MAPK10: variants seen among roughly 807,000 people sequenced by gnomAD.
MAPK10 encodes the protein JNK3 alpha protein kinase.
MAPK10 carries 25 observed loss-of-function variants against 59.3 expected under a neutral mutation model. The ratio of observed to expected loss-of-function variants is 0.42; its 90% CI spans 0.31 to 0.59. MAPK10 has a LOEUF of 0.59. MAPK10 is among the 20% of genes least tolerant of loss of function. MAPK10 has a pLI of 0.15. For missense variants in MAPK10, 351 were observed against 568.9 expected, an observed-to-expected ratio of 0.62 and a Z score of 3.90; for synonymous variants, 190 against 200.5, an observed-to-expected ratio of 0.95 and a Z score of 0.44.
Position 86,043,634 on chromosome 4 carries a change from T to C in MAPK10, c.1111-12203A>G, listed in dbSNP as rs114082201. Among the ~76,000 whole-genome samples, 1,364 of 152,202 alleles carry C rather than the reference T, an allele frequency of 9.0e-3. 20 individuals carry two copies. The highest frequency in any genetic ancestry group is 0.031 in the African/African-American group (1,301 of 41,538). On this transcript the variant is annotated intron_variant, in intron 11 of 13. Coordinates refer to ENST00000641462, the MANE Select transcript of MAPK10 (RefSeq NM_138982.4). Reference sequence around the variant, plus strand: ...GAACATGTTTATTTGTAAGAAGTAATTGCCACTGGAAACTGAAACATAGGA... The same window carrying C: ...GAACATGTTTATTTGTAAGAAGTAACTGCCACTGGAAACTGAAACATAGGA...
intron 1 of MAPK10, among the ~76,000 whole-genome samples, chr4:86,394,947 G>A (rs1179332538): frequency 4.6e-5 from 7 of 152,076 alleles, no homozygotes; most frequent in Admixed American, 1.3e-4. Flanking sequence ...ATATATTCAC[G>A]CACCTGTGCC....
intron 2 of MAPK10, among the ~76,000 whole-genome samples, chr4:86,337,895 T>C (rs145990246): frequency 5.7e-4 from 87 of 152,356 alleles, no homozygotes; most frequent in African/African-American, 2.1e-3. Flanking sequence ...TATACATTTG[T>C]CATTTTTCAG....
chr4:86,164,219 T>C (rs1467962062), intron 3 of MAPK10, among the ~76,000 whole-genome samples: 1 of 152,176 alleles, frequency 6.6e-6, no homozygotes, highest in Non-Finnish European at 1.5e-5. Flanking sequence ...TTATTTATAT[T>C]CTGTATGGTT....
At chr4:86,501,114 G>GAAA (rs11341561) in intron 1 of MAPK10, among the ~76,000 whole-genome samples, 1 of 87,862 alleles carries the variant, frequency 1.1e-5, no homozygotes, top group African/African-American at 4.8e-5. Flanking sequence ...TCTACGATCT[G>GAAA]AAAAAAAAAA....
At chr4:86,089,081 C>T (rs570223565) in intron 9 of MAPK10, 28 of 668,870 alleles carry the variant, frequency 4.2e-5, no homozygotes, top group Admixed American at 1.2e-4. Flanking sequence ...AAATATTTGA[C>T]ATTGAGTCTC....
intron 2 of MAPK10, among the ~76,000 whole-genome samples, chr4:86,197,057 C>G (rs561860920): frequency 6.6e-6 from 1 of 152,064 alleles, no homozygotes; most frequent in East Asian, 1.9e-4. Context: ...TTTTTTGGTT[C>G]CATATGAAAT....
At chr4:86,276,694 G>A (rs2094587836) in intron 2 of MAPK10, among the ~76,000 whole-genome samples, 1 of 152,130 alleles carries the variant, frequency 6.6e-6, no homozygotes, top group African/African-American at 2.4e-5. Flanking sequence ...GGTTTTTACT[G>A]ATTGAAGCAC....
chr4:86,322,906 G>A (rs960810845), intron 2 of MAPK10, among the ~76,000 whole-genome samples: 7 of 152,240 alleles, frequency 4.6e-5, no homozygotes, highest in African/African-American at 1.4e-4. Context: ...AGCATTGCGA[G>A]CTTCACGCCT....
chr4:86,390,399 G>A (rs1645762608), intron 1 of MAPK10, among the ~76,000 whole-genome samples: 1 of 152,208 alleles, frequency 6.6e-6, no homozygotes, highest in Non-Finnish European at 1.5e-5. Context: ...ACCTTAGAAT[G>A]TAGAGAAAGA....
intron 1 of MAPK10, among the ~76,000 whole-genome samples, chr4:86,452,816 G>A (rs536092570): frequency 4.6e-5 from 7 of 152,224 alleles, no homozygotes; most frequent in East Asian, 1.9e-4. Context: ...GGCTTGCATC[G>A]TGAACTTTTG....
Position 86,395,991 on chromosome 4 carries a change from A to G in MAPK10, c.-121-41347T>C, listed in dbSNP as rs560973457. Among the ~76,000 whole-genome samples, 182 of 152,304 alleles carry G rather than the reference A, an allele frequency of 1.2e-3. 1 individual carries two copies. Among genetic ancestry groups the G allele is most frequent in the African/African-American group, 4.3e-3 (179 of 41,562 alleles). On this transcript the variant is annotated intron_variant, in intron 1 of 13. Coordinates refer to the MAPK10 transcript ENST00000361569. ...AAGCATTCGGTTTGTACCACATAAA[A>G]CACACCATTCTCGCCATTCTATCTG...
At chr4:86,134,735 A>G (rs1345471357) in intron 4 of MAPK10, among the ~76,000 whole-genome samples, 2 of 152,236 alleles carry the variant, frequency 1.3e-5, no homozygotes, top group East Asian at 3.8e-4. Context: ...CGTGAGCGAC[A>G]CAGAAGACAG....
At chr4:86,592,193 A>G (rs1763090439) in intron 1 of MAPK10, among the ~76,000 whole-genome samples, 1 of 152,098 alleles carries the variant, frequency 6.6e-6, no homozygotes, top group South Asian at 2.1e-4. Flanking sequence ...TCCATTTGTT[A>G]GTATTGACTT....
intron 2 of MAPK10, among the ~76,000 whole-genome samples, chr4:86,331,116 C>T (rs183116520): frequency 2.5e-3 from 374 of 152,200 alleles, no homozygotes; most frequent in Non-Finnish European, 3.9e-3. Context: ...GTCATAACTA[C>T]CCATCTTTAT....
intron 2 of MAPK10, among the ~76,000 whole-genome samples, chr4:86,201,395 C>A (rs551296747): frequency 1.1e-4 from 17 of 151,798 alleles, no homozygotes; most frequent in Non-Finnish European, 2.2e-4. Flanking sequence ...AAATTTTAAT[C>A]ATTTTAGGGA....
At chr4:86,049,132 T>C (rs565274503) in intron 11 of MAPK10, among the ~76,000 whole-genome samples, 58 of 152,150 alleles carry the variant, frequency 3.8e-4, no homozygotes, top group African/African-American at 1.3e-3. Flanking sequence ...ACAGAATCAC[T>C]TGAGAGTGAG....
intron 3 of MAPK10, among the ~76,000 whole-genome samples, chr4:86,166,141 T>C (rs2071640824): frequency 6.6e-6 from 1 of 152,222 alleles, no homozygotes; most frequent in South Asian, 2.1e-4. Flanking sequence ...TAACAGGCAA[T>C]GTGCTAGATG....
intron 9 of MAPK10, among the ~76,000 whole-genome samples, chr4:86,096,513 A>G (rs1158529910): frequency 6.6e-6 from 1 of 152,000 alleles, no homozygotes; most frequent in Non-Finnish European, 1.5e-5. Flanking sequence ...ACCTCGCTAC[A>G]TGAAATCAAG....
chr4:86,542,547 G>A lies in MAPK10; in HGVS notation c.-263+51363C>T, dbSNP rs147187387. 3.3e-3 allele frequency: 512 copies of A among 154,302 alleles called. 1 individual carries two copies. The highest frequency in any genetic ancestry group is 0.012 in the African/African-American group (494 of 41,580). 9.6% of individuals were successfully genotyped at this position (154,302 alleles called of 1,614,324 possible). A position where few individuals can be genotyped will look rare whatever the true frequency, so the allele number is the denominator to read the frequency against. The stretch of plus-strand genomic sequence containing the variant: ...CAGCCTTGCACTCTTGGCCTCAAGT[G>A]ATCCATGATCGCACCTGTGAATAGC... On this transcript the variant is annotated intron_variant, in intron 1 of 4. Transcript: ENST00000502302.
Sources: allele counts gnomAD v4.1 joint callset (sites outside exome capture counted in the v4.1 genomes callset), GRCh38; gene constraint gnomAD v4.1.1; transcripts MANE v1.5; gene names NCBI Gene and HGNC (gene_info 2026-07-23, HGNC 2026-07-21).